The following TENM4 variants were observed in gnomAD, a reference collection of about 807,000 sequenced individuals.
The protein encoded by TENM4 is teneurin transmembrane protein 4.
In TENM4, 82 loss-of-function variants were observed where a neutral mutation model predicts 243.3. The ratio of observed to expected loss-of-function variants is 0.34; its 90% CI spans 0.28 to 0.40. The LOEUF (loss-of-function observed/expected upper bound fraction) is 0.40, where lower values mean the gene tolerates loss of function less well. TENM4 is among the 10% of genes least tolerant of loss of function. The probability of loss-of-function intolerance (pLI) is 1.00; values close to 1 mark genes in which losing one functional copy is unlikely to be tolerated. For missense variants in TENM4, 3,138 were observed against 3,673.3 expected, an observed-to-expected ratio of 0.85 and a Z score of 3.77; for synonymous variants, 1,412 against 1,456.3, an observed-to-expected ratio of 0.97 and a Z score of 0.69.
intron 2 of TENM4, among the ~76,000 whole-genome samples, chr11:79,262,013 G>A (rs183341698): frequency 3.9e-5 from 6 of 152,292 alleles, no homozygotes; most frequent in Non-Finnish European, 5.9e-5. Flanking sequence ...AATAGCCTTC[G>A]GGATAGATTA....
intron 1 of TENM4, among the ~76,000 whole-genome samples, chr11:79,350,620 G>C (rs1298333321): frequency 3.3e-5 from 5 of 149,336 alleles, no homozygotes; most frequent in Non-Finnish European, 7.4e-5. Flanking sequence ...TTTTTCCTTG[G>C]TAGAGATGGG....
At chr11:78,736,489 T>TGC (rs1491061879) in intron 20 of TENM4, among the ~76,000 whole-genome samples, 3 of 150,294 alleles carry the variant, frequency 2.0e-5, no homozygotes, top group Admixed American at 6.6e-5. Flanking sequence ...TGCGCGCGCG[T>TGC]GCATGTGAGT....
At chr11:78,659,342 A>G (rs1157897281) in intron 33 of TENM4, among the ~76,000 whole-genome samples, 1 of 152,224 alleles carries the variant, frequency 6.6e-6, no homozygotes, top group African/African-American at 2.4e-5. Context: ...CCAAGGCTCA[A>G]AGAGGTTGTC....
intron 6 of TENM4, among the ~76,000 whole-genome samples, chr11:78,949,726 C>T (rs939192641): frequency 6.6e-6 from 1 of 152,062 alleles, no homozygotes; most frequent in African/African-American, 2.4e-5. Flanking sequence ...GAAGTTGGAA[C>T]TGAAATCTGC....
At chr11:79,163,618 A>G (rs969509401) in intron 3 of TENM4, among the ~76,000 whole-genome samples, 3 of 151,792 alleles carry the variant, frequency 2.0e-5, no homozygotes, top group African/African-American at 7.3e-5. Flanking sequence ...CTTAGCTCCC[A>G]TTATGAGTGA....
intron 6 of TENM4, among the ~76,000 whole-genome samples, chr11:78,915,251 G>A (rs1205353732): frequency 6.6e-6 from 1 of 152,126 alleles, no homozygotes; most frequent in Non-Finnish European, 1.5e-5. Flanking sequence ...TCCTCCTCCA[G>A]GAAGCCTTCT....
At chr11:79,006,304 C>G (rs1172668251) in intron 6 of TENM4, among the ~76,000 whole-genome samples, 3 of 152,142 alleles carry the variant, frequency 2.0e-5, no homozygotes, top group Non-Finnish European at 2.9e-5. Context: ...GGGATACCTT[C>G]AAGTTGGTTG....
chr11:79,298,054 C>A (rs548690515), intron 1 of TENM4, among the ~76,000 whole-genome samples: 2 of 152,036 alleles, frequency 1.3e-5, no homozygotes, highest in East Asian at 3.9e-4. Context: ...TGTGTTAGGC[C>A]GTGACAGTTG....
intron 18 of TENM4, among the ~76,000 whole-genome samples, chr11:78,766,870 T>C (rs1243883869): frequency 6.6e-6 from 1 of 152,034 alleles, no homozygotes; most frequent in African/African-American, 2.4e-5. Flanking sequence ...GCCCAGCTAA[T>C]TTTTTGCATT....
At chr11:78,919,475 G>A (rs1253121926) in intron 6 of TENM4, among the ~76,000 whole-genome samples, 1 of 152,162 alleles carries the variant, frequency 6.6e-6, no homozygotes, top group Non-Finnish European at 1.5e-5. Context: ...AGGCAAATAT[G>A]TGACTTTGGT....
At position 79,069,801 on chromosome 11, in the gene TENM4, G is replaced by A. The variant is rs928730342; in HGVS notation, c.144C>T (p.Tyr48=). 33 of 1,551,058 alleles carry A rather than the reference G, an allele frequency of 2.1e-5. No homozygotes were observed. The highest frequency in any genetic ancestry group is 2.9e-5 in the Non-Finnish European group (33 of 1,146,912). The change falls in exon 5 of 34, where the codon TAC becomes TAT. Residue 48 remains tyrosine (Y), a synonymous_variant. Transcript: ENST00000278550. ...SYSSSETLKA[Y]DQDARLAYGS... ...CATAGGCTAGGCGGGCGTCCTGGTC[G>A]TAGGCCTTCAGGGTCTCGCTGGAGC...
rs556626817 is a variant in TENM4, at chr11:78,722,977, G to A, written c.3551-60C>T. 1.9e-6 allele frequency: 3 copies of A among 1,591,368 alleles called. No individual in the cohort carries two copies. In the East Asian group the frequency reaches 6.8e-5, roughly 36 times the overall value. ...CAGGAAATGGGTATCTTTTCCTGTG[G>A]TTGACCACAGAGTCACCTGATTTTG... On this transcript the variant is annotated intron_variant, in intron 23 of 33. Coordinates refer to ENST00000278550, the MANE Select transcript of TENM4 (RefSeq NM_001098816.3).
Position 78,668,980 on chromosome 11 carries a change from G to C in TENM4, c.7365C>G (p.Asn2455Lys). 6.2e-7 allele frequency: 1 copy of C among 1,613,962 alleles called. No homozygotes were observed. The highest frequency in any genetic ancestry group is 8.5e-7 in the Non-Finnish European group (1 of 1,179,872). ...TGTCCTGGGAGTTGCTGATGGGGTT[G>C]TTGTTTTTGAACATATAGAGATTAA... ...MPFNLYMFKN[N>K]NPISNSQDIK... The change falls in exon 32 of 34, where the codon AAC becomes AAG. Residue 2455 changes from asparagine (N) to lysine (K), a missense_variant. Asn to Lys is a moderately conservative substitution (Grantham distance 94, BLOSUM62 0). This residue lies in a region of TENM4 where 2,467 missense variants were observed against 3,059.1 expected (regional missense o/e 0.81). Coordinates refer to ENST00000278550, the MANE Select transcript of TENM4 (RefSeq NM_001098816.3).
chr11:79,163,824 T>C (rs1340575433), intron 3 of TENM4, among the ~76,000 whole-genome samples: 1 of 146,832 alleles, frequency 6.8e-6, no homozygotes, highest in Admixed American at 6.9e-5. Context: ...TATATACATG[T>C]ATGTGTACAT....
intron 1 of TENM4, among the ~76,000 whole-genome samples, chr11:79,400,032 A>G (rs1228855436): frequency 6.6e-6 from 1 of 151,952 alleles, no homozygotes; most frequent in Admixed American, 6.6e-5. Flanking sequence ...CTCTGCTAGA[A>G]TAAATATTTG....
chr11:79,006,023 T>G (rs2136726026), intron 6 of TENM4, among the ~76,000 whole-genome samples: 1 of 152,244 alleles, frequency 6.6e-6, no homozygotes, highest in Non-Finnish European at 1.5e-5. Flanking sequence ...ACAACAGAAT[T>G]ATATTAGAAA....
At chr11:78,777,179 AT>A (rs564319412) in intron 17 of TENM4, among the ~76,000 whole-genome samples, 10 of 152,310 alleles carry the variant, frequency 6.6e-5, no homozygotes, top group Non-Finnish European at 1.2e-4. Context: ...TCTGCTAATG[AT>A]AATGTGTGAA....
At chr11:79,232,362 C>G (rs551034270) in intron 2 of TENM4, among the ~76,000 whole-genome samples, 1 of 152,192 alleles carries the variant, frequency 6.6e-6, no homozygotes, top group Admixed American at 6.5e-5. Context: ...AGTCTTCAGG[C>G]GCAGAAACCC....
intron 2 of TENM4, among the ~76,000 whole-genome samples, chr11:79,275,393 G>A (rs1856038375): frequency 6.6e-6 from 1 of 152,214 alleles, no homozygotes; most frequent in African/African-American, 2.4e-5. Context: ...TGCAAAAGAT[G>A]CCTGTAGGCA....
Sources: gnomAD v4.1 joint callset for allele counts (sites outside exome capture counted in the v4.1 genomes callset) on GRCh38, gnomAD v4.1.1 for gene constraint, gnomAD v4.1.1 regional missense constraint, MANE v1.5 for transcripts, NCBI Gene and HGNC (gene_info 2026-07-23, HGNC 2026-07-21) for gene names.